PUDP: variants seen among roughly 807,000 people sequenced by gnomAD.
The protein encoded by PUDP is pseudouridine 5'-phosphatase.
Under a neutral mutation model 9.4 loss-of-function variants are expected in PUDP, and 8 were observed. The observed-to-expected ratio is 0.85, with a 90% CI of 0.50 to 1.53. The LOEUF is 1.53. PUDP is among the 40% of genes most tolerant of loss of function. PUDP has a pLI of 0.00. For synonymous variants in PUDP, 99 were observed against 80.7 expected, an observed-to-expected ratio of 1.23 and a Z score of -1.22; for missense variants, 188 against 189.7, an observed-to-expected ratio of 0.99 and a Z score of 0.05.
intron 3 of PUDP, among the ~76,000 whole-genome samples, chrX:6,899,845 A>G (rs1223280308): frequency 9.0e-6 from 1 of 111,180 alleles, no homozygotes; most frequent in Non-Finnish European, 1.9e-5. Context: ...AAAAATGTTT[A>G]AAGTCCCCAA....
intron 3 of PUDP, among the ~76,000 whole-genome samples, chrX:6,891,076 C>T (rs1021542130): frequency 9.1e-6 from 1 of 109,437 alleles, no homozygotes; most frequent in Non-Finnish European, 1.9e-5. Context: ...GATTGCACCA[C>T]TACACTCCAG....
intron 3 of PUDP, among the ~76,000 whole-genome samples, chrX:6,744,423 C>G (rs113848210): frequency 0.051 from 5,691 of 111,279 alleles, 165 homozygotes; most frequent in African/African-American, 0.082. Context: ...AGAAGTGTTA[C>G]GGCTACAATG....
At chrX:6,802,931 A>C (rs910497717) in intron 3 of PUDP, among the ~76,000 whole-genome samples, 29 of 6,631 alleles carry the variant, frequency 4.4e-3, no homozygotes, top group African/African-American at 0.018. Flanking sequence ...CATAACATAA[A>C]ATAATAAAAT....
chrX:6,865,264 A>T (rs1384729897), intron 3 of PUDP, among the ~76,000 whole-genome samples: 1 of 112,081 alleles, frequency 8.9e-6, no homozygotes, highest in Non-Finnish European at 1.9e-5. Context: ...TGTGTCTTAA[A>T]TATTTTTTAG....
intron 1 of PUDP, among the ~76,000 whole-genome samples, chrX:6,997,130 G>A (rs1401069223): frequency 8.9e-6 from 1 of 112,242 alleles, no homozygotes; most frequent in Non-Finnish European, 1.9e-5. Flanking sequence ...GCAGGGCTGG[G>A]TTGTGTATTT....
intron 3 of PUDP, among the ~76,000 whole-genome samples, chrX:6,774,976 A>T (rs779176520): frequency 8.0e-5 from 9 of 112,386 alleles, no homozygotes; most frequent in Non-Finnish European, 1.3e-4. Context: ...CAAAATGTAC[A>T]TAACATTCAA....
upstream of PUDP, among the ~76,000 whole-genome samples, chrX:6,725,998 C>T (rs918123725): frequency 5.4e-5 from 6 of 111,744 alleles, no homozygotes; most frequent in African/African-American, 1.6e-4. Flanking sequence ...CCCTGGAGCT[C>T]GTGAACACAC....
At chrX:6,952,275 T>G (rs1569129890) in intron 3 of PUDP, among the ~76,000 whole-genome samples, 1 of 112,156 alleles carries the variant, frequency 8.9e-6, no homozygotes, top group Non-Finnish European at 1.9e-5. Flanking sequence ...ATTTCTATTT[T>G]GAAATAATTT....
At chrX:6,819,817 T>C (rs1269481664) in intron 3 of PUDP, among the ~76,000 whole-genome samples, 1 of 111,314 alleles carries the variant, frequency 9.0e-6, no homozygotes, top group African/African-American at 3.3e-5. Flanking sequence ...ATGGTGTCTT[T>C]ACCAGCTGCA....
intron 3 of PUDP, among the ~76,000 whole-genome samples, chrX:6,944,333 T>G (rs1928436188): frequency 8.9e-6 from 1 of 112,131 alleles, no homozygotes; most frequent in South Asian, 3.7e-4. Flanking sequence ...GTGAGTCAAT[T>G]ACACCTCTTT....
Position 7,129,543 on chromosome X carries a change from G to A in PUDP, c.61+18510C>T, listed in dbSNP as rs142371609. Among the ~76,000 whole-genome samples, 624 of 112,019 alleles carry A rather than the reference G, an allele frequency of 5.6e-3. 3 individuals carry two copies. Among genetic ancestry groups the A allele is most frequent in the African/African-American group, 0.019 (598 of 30,793 alleles). The stretch of plus-strand genomic sequence containing the variant: ...TTGCTGCCAGCCCCAACAGTGTGAC[G>A]TACAGCTCTTCTCTGTCTTTGAGCC... On this transcript the variant is annotated intron_variant, in intron 1 of 3. Transcript: ENST00000381077.
At chrX:6,882,891 G>A (rs1927369703) in intron 3 of PUDP, among the ~76,000 whole-genome samples, 1 of 111,434 alleles carries the variant, frequency 9.0e-6, no homozygotes, top group African/African-American at 3.3e-5. Flanking sequence ...CTAGGCAAGA[G>A]AGGCCACCTA....
chrX:7,125,429 T>C (rs769797704), intron 1 of PUDP, among the ~76,000 whole-genome samples: 6 of 111,732 alleles, frequency 5.4e-5, no homozygotes, highest in Admixed American at 9.5e-5. Flanking sequence ...TGAGGCATTA[T>C]AGATTAATGC....
intron 3 of PUDP, among the ~76,000 whole-genome samples, chrX:6,904,100 C>T (rs1053431841): frequency 1.0e-4 from 11 of 108,497 alleles, no homozygotes; most frequent in Non-Finnish European, 9.6e-5. Flanking sequence ...TACAGGCACC[C>T]GCCACCGTGC....
rs1838371016 is a variant in PUDP, at chrX:6,718,788, T to C, written n.128+2629A>G. ...AAAATGCCTTAAAAAACAAAGACTT[T>C]CTCCCTATTTCTGGACTAGAAGAGA... On this transcript the variant is annotated intron_variant and non_coding_transcript_variant, in intron 1 of 2. Transcript: ENST00000438499. Among the ~76,000 whole-genome samples, 3 of 111,617 alleles carry C rather than the reference T, an allele frequency of 2.7e-5. No individual in the cohort carries two copies. In the Admixed American group the frequency reaches 2.9e-4, roughly 11 times the overall value.
rs542487595 is a variant in PUDP, at chrX:6,895,093, G to A, written c.*247+82040C>T. 7.3e-5 allele frequency among the ~76,000 whole-genome samples: 8 copies of A among 110,022 alleles called. No homozygotes were observed. The South Asian group carries it at 1.9e-3, about 27-fold the overall frequency. On this transcript the variant is annotated intron_variant and NMD_transcript_variant, in intron 3 of 3. Transcript: ENST00000655425. ...GGAATCTCAGAATAGGCTGACTGTC[G>A]GTCCTGAGGAGGTGGGCTGTTAGTT...
chrX:6,958,483 T>C (rs966360735), intron 3 of PUDP, among the ~76,000 whole-genome samples: 1 of 111,924 alleles, frequency 8.9e-6, no homozygotes, highest in African/African-American at 3.2e-5. Context: ...GAGAAGTTAC[T>C]ATTTATTCCT....
At chrX:6,787,320 A>G (rs962478014) in intron 3 of PUDP, among the ~76,000 whole-genome samples, 10 of 112,273 alleles carry the variant, frequency 8.9e-5, no homozygotes, top group African/African-American at 3.2e-4. Flanking sequence ...CTAGCTGCTA[A>G]GTAGAAGCTG....
chrX:6,865,519 C>T (rs1268115044), intron 3 of PUDP, among the ~76,000 whole-genome samples: 1 of 112,331 alleles, frequency 8.9e-6, no homozygotes, highest in South Asian at 3.7e-4. Context: ...GAACCACAAA[C>T]TCAACAGTAG....
Sources: gnomAD v4.1 joint callset for allele counts (sites outside exome capture counted in the v4.1 genomes callset) on GRCh38, gnomAD v4.1.1 for gene constraint, MANE v1.5 for transcripts, NCBI Gene and HGNC (gene_info 2026-07-23, HGNC 2026-07-21) for gene names.